The following WWOX variants were observed in gnomAD, a reference collection of about 807,000 sequenced individuals.
WWOX encodes the protein WW domain containing oxidoreductase.
A neutral mutation model predicts 46.2 loss-of-function variants in WWOX; 69 were observed. The ratio of observed to expected loss-of-function variants is 1.49; its 90% CI spans 1.23 to 1.82. WWOX has a LOEUF of 1.82. Among genes scored for constraint, WWOX ranks in the 40% most tolerant of loss-of-function variants. The pLI is 0.00. For missense variants in WWOX, 919 were observed against 542.6 expected (o/e 1.69, Z -6.89); for synonymous variants, 359 against 202.6 (o/e 1.77, Z -6.56).
At chr16:78,357,145 T>G (rs928256801) in intron 5 of WWOX, among the ~76,000 whole-genome samples, 3 of 152,180 alleles carry the variant, frequency 2.0e-5, no homozygotes, top group Admixed American at 6.5e-5. Context: ...AGTTTGAATC[T>G]TTGAGTCACT....
chr16:78,742,144 C>G (rs1317755240), intron 8 of WWOX, among the ~76,000 whole-genome samples: 1 of 152,186 alleles, frequency 6.6e-6, no homozygotes, highest in Admixed American at 6.5e-5. Context: ...CTTTTCCTTG[C>G]AATGTTTTGT....
intron 6 of WWOX, among the ~76,000 whole-genome samples, chr16:78,401,107 A>G (rs1034312875): frequency 6.6e-6 from 1 of 152,222 alleles, no homozygotes; most frequent in Non-Finnish European, 1.5e-5. Context: ...GGCATGAGCC[A>G]TGTCCAGCTG....
At position 78,906,541 on chromosome 16, in the gene WWOX, C is replaced by T. The variant is rs1008911079; in HGVS notation, c.1057-305067C>T. ...CAGGCCACGATTGCAGGGTAGTCCACGGCTTCCAAAGAGAACTGCATAAAT... is the reference window on the plus strand; with the variant it reads ...CAGGCCACGATTGCAGGGTAGTCCATGGCTTCCAAAGAGAACTGCATAAAT... On this transcript the variant is annotated intron_variant, in intron 8 of 8. Transcript: ENST00000566780. Among the ~76,000 whole-genome samples the T allele has an allele frequency of 5.9e-5, 9 of 152,246 alleles. 1 individual carries two copies. In the South Asian group the frequency reaches 1.5e-3, roughly 25 times the overall value.
intron 8 of WWOX, among the ~76,000 whole-genome samples, chr16:78,929,654 C>G (rs980383295): frequency 6.6e-6 from 1 of 152,056 alleles, no homozygotes; most frequent in African/African-American, 2.4e-5. Context: ...GGGATGGCGA[C>G]TAAAGACCCG....
intron 8 of WWOX, among the ~76,000 whole-genome samples, chr16:78,628,262 A>G (rs953596119): frequency 3.9e-5 from 6 of 152,140 alleles, no homozygotes; most frequent in Admixed American, 2.0e-4. Context: ...CTCATGTCAC[A>G]TTGAGTGGTG....
rs566978946 is a variant in WWOX at position 78,524,112 on chromosome 16, C to A, written c.1056+91360C>A. On this transcript the variant is annotated intron_variant, in intron 8 of 8. Coordinates refer to ENST00000566780, the MANE Select transcript of WWOX (RefSeq NM_016373.4). ...ATAACATGAAGTGTGTTTTAGTCGG[C>A]AAACATCACTTTGTAATTCTCTGAT... Among the ~76,000 whole-genome samples, 22 of 152,294 alleles carry A rather than the reference C, an allele frequency of 1.4e-4. No homozygotes were observed. The South Asian group carries it at 4.4e-3, about 30-fold the overall frequency.
chr16:78,181,580 C>T (rs1430030692), intron 5 of WWOX, among the ~76,000 whole-genome samples: 1 of 152,158 alleles, frequency 6.6e-6, no homozygotes, highest in African/African-American at 2.4e-5. Context: ...GAAATCTACG[C>T]TGGGAGAGGA....
At chr16:79,091,832 G>A (rs185379886) in intron 8 of WWOX, among the ~76,000 whole-genome samples, 131 of 141,462 alleles carry the variant, frequency 9.3e-4, no homozygotes, top group African/African-American at 3.3e-3. Flanking sequence ...CCAGGCTGGA[G>A]AGCAGTGGTA....
chr16:78,809,477 A>C (rs2051132794), intron 8 of WWOX, among the ~76,000 whole-genome samples: 1 of 152,164 alleles, frequency 6.6e-6, no homozygotes, highest in African/African-American at 2.4e-5. Context: ...TTAAAGTTGA[A>C]GCCCATCCCT....
chr16:78,658,614 C>T (rs563339346), intron 8 of WWOX, among the ~76,000 whole-genome samples: 2 of 152,262 alleles, frequency 1.3e-5, no homozygotes, highest in South Asian at 4.1e-4. Flanking sequence ...CCTTGACATT[C>T]GTCGGCTTGT....
At chr16:78,519,341 C>T (rs1171445840) in intron 8 of WWOX, among the ~76,000 whole-genome samples, 1 of 152,168 alleles carries the variant, frequency 6.6e-6, no homozygotes, top group East Asian at 1.9e-4. Flanking sequence ...TAATAGTCAT[C>T]TTCACGGCCA....
intron 8 of WWOX, among the ~76,000 whole-genome samples, chr16:78,595,041 C>T (rs1287327596): frequency 6.6e-6 from 1 of 152,168 alleles, no homozygotes; most frequent in Admixed American, 6.5e-5. Flanking sequence ...TGGGAAAGCA[C>T]TTTGTCAAGA....
chr16:78,510,997 C>T (rs147703232), intron 8 of WWOX, among the ~76,000 whole-genome samples: 22 of 152,346 alleles, frequency 1.4e-4, no homozygotes, highest in East Asian at 1.2e-3. Context: ...GCCTACCCCA[C>T]GTGTCCAGCA....
At chr16:78,301,782 C>G (rs191064622) in intron 5 of WWOX, among the ~76,000 whole-genome samples, 75 of 152,292 alleles carry the variant, frequency 4.9e-4, no homozygotes, top group African/African-American at 1.7e-3. Flanking sequence ...CACTGGGTAA[C>G]AGACACACCG....
At chr16:78,664,982 C>G (rs1252861372) in intron 8 of WWOX, among the ~76,000 whole-genome samples, 2 of 152,156 alleles carry the variant, frequency 1.3e-5, no homozygotes, top group African/African-American at 4.8e-5. Context: ...GGAAGGTTTG[C>G]TTAATGAAAG....
intron 5 of WWOX, among the ~76,000 whole-genome samples, chr16:78,328,776 C>T (rs948231524): frequency 6.6e-6 from 1 of 152,146 alleles, no homozygotes; most frequent in African/African-American, 2.4e-5. Context: ...TCAGCACCTC[C>T]AGTTTTTCCT....
chr16:78,876,859 CT>C (rs1428582859), intron 8 of WWOX, among the ~76,000 whole-genome samples: 3 of 152,184 alleles, frequency 2.0e-5, no homozygotes, highest in African/African-American at 7.2e-5. Context: ...GTGGAACGCT[CT>C]TTCTAGTTTG....
chr16:78,635,408 G>A (rs2046543553), intron 8 of WWOX, among the ~76,000 whole-genome samples: 1 of 152,120 alleles, frequency 6.6e-6, no homozygotes, highest in African/African-American at 2.4e-5. Flanking sequence ...GGAGGAACTA[G>A]GGGAGCGCTA....
chr16:78,557,659 C>T (rs142897149), intron 8 of WWOX, among the ~76,000 whole-genome samples: 3 of 146,284 alleles, frequency 2.1e-5, no homozygotes, highest in South Asian at 2.2e-4. Context: ...CCCGGAAATG[C>T]GACACATAAG....
Sources: gnomAD v4.1 joint callset for allele counts (sites outside exome capture counted in the v4.1 genomes callset) on GRCh38, gnomAD v4.1.1 for gene constraint, MANE v1.5 for transcripts, NCBI Gene and HGNC (gene_info 2026-07-23, HGNC 2026-07-21) for gene names.